The following PCDH9 variants were observed in gnomAD, a reference collection of about 807,000 sequenced individuals.
PCDH9 encodes the protein protocadherin-9.
In PCDH9, 24 loss-of-function variants were observed where a neutral mutation model predicts 70.6. That is an observed-to-expected ratio of 0.34 (90% CI 0.25 to 0.48). The LOEUF (loss-of-function observed/expected upper bound fraction) is 0.48, where lower values mean the gene tolerates loss of function less well. PCDH9 is among the 20% of genes least tolerant of loss of function. The probability of loss-of-function intolerance (pLI) is 0.99; values close to 1 mark genes in which losing one functional copy is unlikely to be tolerated. For synonymous variants in PCDH9, 562 were observed against 558.5 expected, an observed-to-expected ratio of 1.01 and a Z score of -0.09; for missense variants, 1,281 against 1,503.6, an observed-to-expected ratio of 0.85 and a Z score of 2.45.
At position 66,831,573 on chromosome 13, in the gene PCDH9, C is replaced by T. The variant is rs935186894; in HGVS notation, c.3138+71931G>A. ...ATGTCACATGGTGTCATATTAAAGC[C>T]GAGAACATTTAAAAAGCAGAACAGC... On this transcript the variant is annotated intron_variant, in intron 3 of 4. Transcript: ENST00000377865. 7.2e-5 allele frequency among the ~76,000 whole-genome samples: 11 copies of T among 152,014 alleles called. No individual in the cohort carries two copies. In the East Asian group the frequency reaches 1.3e-3, roughly 19 times the overall value.
intron 3 of PCDH9, among the ~76,000 whole-genome samples, chr13:66,699,141 T>C (rs2078603340): frequency 6.6e-6 from 1 of 152,086 alleles, no homozygotes; most frequent in Non-Finnish European, 1.5e-5. Flanking sequence ...CTTGAACTCC[T>C]GACCTTAAGT....
chr13:66,656,221 A>G (rs983245968), intron 3 of PCDH9, among the ~76,000 whole-genome samples: 5 of 152,060 alleles, frequency 3.3e-5, no homozygotes, highest in African/African-American at 9.7e-5. Flanking sequence ...GTATATGCAC[A>G]AGCACTGTGG....
intron 2 of PCDH9, among the ~76,000 whole-genome samples, chr13:67,071,473 C>G (rs896656893): frequency 6.6e-6 from 1 of 152,098 alleles, no homozygotes; most frequent in South Asian, 2.1e-4. Flanking sequence ...TACTATCTAT[C>G]AAAACTAAAG....
chr13:66,736,860 C>T (rs1234113757), intron 3 of PCDH9, among the ~76,000 whole-genome samples: 2 of 152,192 alleles, frequency 1.3e-5, no homozygotes, highest in Non-Finnish European at 2.9e-5. Context: ...TTCATAAAGA[C>T]TTAACTAACA....
intron 4 of PCDH9, among the ~76,000 whole-genome samples, chr13:66,625,864 G>A (rs1041376066): frequency 9.2e-5 from 14 of 151,730 alleles, no homozygotes; most frequent in African/African-American, 2.7e-4. Flanking sequence ...GGGTTTCACC[G>A]TGTTGGCCAG....
intron 4 of PCDH9, among the ~76,000 whole-genome samples, chr13:66,416,201 A>G (rs1957457233): frequency 6.6e-6 from 1 of 152,128 alleles, no homozygotes; most frequent in African/African-American, 2.4e-5. Flanking sequence ...GTATTCTGAA[A>G]CCATCTTCTC....
intron 2 of PCDH9, chr13:67,219,365 T>A (rs936871981): frequency 2.0e-5 from 3 of 152,042 alleles, no homozygotes; most frequent in African/African-American, 7.2e-5. Context: ...TGTGTTCCTT[T>A]CTAAATGAAA....
chr13:66,569,884 G>A (rs889856862), intron 4 of PCDH9, among the ~76,000 whole-genome samples: 6 of 151,984 alleles, frequency 3.9e-5, no homozygotes, highest in South Asian at 2.1e-4. Context: ...TGCAATTGTC[G>A]TATGATTCCA....
chr13:66,778,046 A>G (rs2079927542), intron 3 of PCDH9, among the ~76,000 whole-genome samples: 1 of 148,754 alleles, frequency 6.7e-6, no homozygotes, highest in Admixed American at 6.8e-5. Flanking sequence ...AAAACCAAGC[A>G]CTGCATATTC....
chr13:66,823,793 A>G (rs774332224), intron 3 of PCDH9, among the ~76,000 whole-genome samples: 1 of 152,156 alleles, frequency 6.6e-6, no homozygotes, highest in Non-Finnish European at 1.5e-5. Context: ...TGTTTATTGT[A>G]CATTTTATTT....
chr13:66,561,103 T>C (rs1961998050), intron 4 of PCDH9, among the ~76,000 whole-genome samples: 1 of 152,210 alleles, frequency 6.6e-6, no homozygotes, highest in Admixed American at 6.5e-5. Flanking sequence ...CGCGTGGTGC[T>C]TGTGAGCCAG....
intron 3 of PCDH9, among the ~76,000 whole-genome samples, chr13:66,672,194 A>C (rs1011271697): frequency 2.0e-5 from 3 of 152,232 alleles, no homozygotes; most frequent in African/African-American, 4.8e-5. Context: ...GAAACTATTA[A>C]ATTGTGCTGT....
intron 4 of PCDH9, among the ~76,000 whole-genome samples, chr13:66,315,898 T>G (rs1955643986): frequency 1.3e-5 from 2 of 152,212 alleles, no homozygotes; most frequent in African/African-American, 2.4e-5. Context: ...TACCACAAAC[T>G]TAGTGGCTTA....
intron 4 of PCDH9, among the ~76,000 whole-genome samples, chr13:66,586,231 T>A (rs2076961047): frequency 6.6e-6 from 1 of 152,044 alleles, no homozygotes; most frequent in Non-Finnish European, 1.5e-5. Context: ...ACACAATATT[T>A]GCAAAACAAA....
chr13:66,623,734 C>T (rs74095606), intron 4 of PCDH9, among the ~76,000 whole-genome samples: 2,124 of 152,252 alleles, frequency 0.014, 59 homozygotes, highest in African/African-American at 0.049. Flanking sequence ...CCACTGCACC[C>T]GAGTCATACT....
chr13:66,570,285 A>G (rs1430105120), intron 4 of PCDH9, among the ~76,000 whole-genome samples: 1 of 152,134 alleles, frequency 6.6e-6, no homozygotes, highest in Non-Finnish European at 1.5e-5. Context: ...AGTGGGAAAC[A>G]GGTATGTGTG....
At chr13:66,323,295 T>G (rs545660846) in intron 4 of PCDH9, 6 of 152,062 alleles carry the variant, frequency 3.9e-5, no homozygotes, top group Admixed American at 1.3e-4. Flanking sequence ...AAAATTAACT[T>G]TAGGAAAGGA....
At chr13:66,554,478 T>A (rs943598039) in intron 4 of PCDH9, among the ~76,000 whole-genome samples, 5 of 152,138 alleles carry the variant, frequency 3.3e-5, no homozygotes, top group Admixed American at 1.3e-4. Flanking sequence ...TGTTGAATAA[T>A]ACAGATATTA....
At chr13:67,037,095 A>G (rs2085024778) in intron 2 of PCDH9, among the ~76,000 whole-genome samples, 1 of 152,150 alleles carries the variant, frequency 6.6e-6, no homozygotes, top group Non-Finnish European at 1.5e-5. Context: ...AGTGCCCCTC[A>G]ATCCCTGATT....
Sources: allele counts gnomAD v4.1 joint callset (sites outside exome capture counted in the v4.1 genomes callset), GRCh38; gene constraint gnomAD v4.1.1; transcripts MANE v1.5; gene names NCBI Gene and HGNC (gene_info 2026-07-23, HGNC 2026-07-21).